The following EPB41L5 variants were observed in gnomAD, a reference collection of about 807,000 sequenced individuals.
EPB41L5 encodes band 4.1-like protein 5.
A neutral mutation model predicts 106.6 loss-of-function variants in EPB41L5; 55 were observed. The ratio of observed to expected loss-of-function variants is 0.52; its 90% CI spans 0.42 to 0.65. EPB41L5 has a LOEUF of 0.65. Among genes scored for constraint, EPB41L5 ranks in the 30% least tolerant of loss-of-function variants. The pLI, the probability that EPB41L5 is intolerant of heterozygous loss-of-function variation, is 0.00. For missense variants in EPB41L5, 871 were observed against 882.1 expected (o/e 0.99, Z 0.16); for synonymous variants, 297 against 306.7 (o/e 0.97, Z 0.33).
chr2:120,084,534 C>T (rs920706846), intron 10 of EPB41L5, among the ~76,000 whole-genome samples: 11 of 152,134 alleles, frequency 7.2e-5, no homozygotes, highest in African/African-American at 2.7e-4. Flanking sequence ...GTAACCCGAC[C>T]TTTCTCTCTG....
At chr2:120,140,367 A>ATGAT (rs1686118194) in intron 18 of EPB41L5, among the ~76,000 whole-genome samples, 1 of 152,048 alleles carries the variant, frequency 6.6e-6, no homozygotes, top group Non-Finnish European at 1.5e-5. Context: ...CCCTGATGTG[A>ATGAT]TGATTACACA....
At chr2:120,173,057 G>A (rs760350451) in intron 24 of EPB41L5, among the ~76,000 whole-genome samples, 5 of 151,958 alleles carry the variant, frequency 3.3e-5, no homozygotes, top group African/African-American at 4.8e-5. Flanking sequence ...CTGAGACTTC[G>A]TTTCTAAAAA....
chr2:120,042,995 A>ATGTGTG (rs60253351), intron 3 of EPB41L5, among the ~76,000 whole-genome samples: 1,030 of 70,016 alleles, frequency 0.015, 20 homozygotes, highest in African/African-American at 0.036. Flanking sequence ...TTTTCTGGAA[A>ATGTGTG]TGTGTGTGTG....
intron 2 of EPB41L5, among the ~76,000 whole-genome samples, chr2:120,025,427 T>C (rs1678237221): frequency 1.3e-5 from 2 of 152,206 alleles, no homozygotes; most frequent in South Asian, 4.1e-4. Context: ...TCCCTTTATT[T>C]TGAGCCTATG....
intron 16 of EPB41L5, among the ~76,000 whole-genome samples, chr2:120,101,869 T>C (rs1684163039): frequency 6.6e-6 from 1 of 152,254 alleles, no homozygotes; most frequent in African/African-American, 2.4e-5. Context: ...TTCTCCTTTT[T>C]ATTTTCTTTC....
chr2:120,150,922 AT>A (rs1255732562), intron 20 of EPB41L5, among the ~76,000 whole-genome samples: 7 of 152,188 alleles, frequency 4.6e-5, no homozygotes, highest in African/African-American at 1.7e-4. Context: ...TTAGTGTTTT[AT>A]ATAAGAAACC....
chr2:120,017,563 A>G (rs769364338), intron 1 of EPB41L5, among the ~76,000 whole-genome samples: 3 of 152,196 alleles, frequency 2.0e-5, no homozygotes, highest in East Asian at 1.9e-4. Flanking sequence ...TTAGTGTGCT[A>G]TGTTTTAAAA....
At chr2:120,030,533 A>G (rs1453075527) in intron 2 of EPB41L5, among the ~76,000 whole-genome samples, 1 of 152,024 alleles carries the variant, frequency 6.6e-6, no homozygotes, top group Non-Finnish European at 1.5e-5. Context: ...CCCTCTTCCC[A>G]AGCCCCTACC....
chr2:120,127,664 G>A (rs1685517824), intron 16 of EPB41L5, 24 bp from the exon 17 acceptor site: 1 of 1,547,752 alleles, frequency 6.5e-7, no homozygotes, highest in Admixed American at 1.8e-5. Flanking sequence ...CTTGGTCTAA[G>A]TAAATTTTCT....
intron 20 of EPB41L5, among the ~76,000 whole-genome samples, chr2:120,147,921 A>C (rs573626351): frequency 6.6e-6 from 1 of 152,174 alleles, no homozygotes; most frequent in African/African-American, 2.4e-5. Context: ...CTAGGTTCTT[A>C]TATAAACATG....
intron 16 of EPB41L5, chr2:120,105,056 C>T (rs1684368895): frequency 1.0e-6 from 1 of 982,566 alleles, no homozygotes. Flanking sequence ...CCCAGGTTTG[C>T]AACAGTCTCA....
chr2:120,112,122 A>AT, intron 16 of EPB41L5, among the ~76,000 whole-genome samples: 1 of 151,314 alleles, frequency 6.6e-6, no homozygotes, highest in East Asian at 1.9e-4. Flanking sequence ...ACCCTGCTTT[A>AT]TTTTTTCTCA....
chr2:120,035,300 G>C (rs1678976612), intron 2 of EPB41L5, among the ~76,000 whole-genome samples: 1 of 152,064 alleles, frequency 6.6e-6, no homozygotes, highest in African/African-American at 2.4e-5. Context: ...GTCTTGCTAT[G>C]TTATCCAGGC....
intron 16 of EPB41L5, among the ~76,000 whole-genome samples, chr2:120,109,623 T>A (rs979101265): frequency 2.6e-5 from 4 of 152,170 alleles, no homozygotes; most frequent in Non-Finnish European, 5.9e-5. Context: ...ATTTGAGCAA[T>A]CCTCCGTTTT....
chr2:120,019,383 A>G, intron 2 of EPB41L5, 119 bp downstream of exon 2: 2 of 852,408 alleles, frequency 2.3e-6, no homozygotes, highest in Non-Finnish European at 3.5e-6. Context: ...ATGGGTTAGT[A>G]TAGATCAGGC....
Position 120,131,705 on chromosome 2 carries a change from TA to T in EPB41L5, c.1592del (p.Asn531ThrfsTer7). The T allele has an allele frequency of 6.2e-7, 1 of 1,613,010 alleles. No homozygotes were observed. Among genetic ancestry groups the T allele is most frequent in the Non-Finnish European group, 8.5e-7 (1 of 1,179,068 alleles). On this transcript the variant is annotated frameshift_variant, in exon 18 of 25. Coordinates refer to ENST00000263713, the MANE Select transcript of EPB41L5 (RefSeq NM_020909.4). LOFTEE classifies it high-confidence loss of function. Reference sequence around the variant, plus strand: ...CCTCGATCCAACATCGATGTTAACATAAACAGCCAGGTATTCAGATTTCCCC... The same window carrying T: ...CCTCGATCCAACATCGATGTTAACATAACAGCCAGGTATTCAGATTTCCCC... The part of the protein sequence containing the change: ...LSPRSNIDVN[I>X]NSQEEVVKLT...
intron 16 of EPB41L5, 103 bp downstream of exon 16, chr2:120,100,917 TATTC>T (rs1321854789): frequency 2.7e-6 from 2 of 738,710 alleles, no homozygotes; most frequent in East Asian, 5.5e-5. Context: ...GAAAGCAAAT[TATTC>T]ATATTTGTGA....
chr2:120,061,119 C>T (rs930895278), intron 3 of EPB41L5, among the ~76,000 whole-genome samples: 26 of 139,520 alleles, frequency 1.9e-4, no homozygotes, highest in Non-Finnish European at 3.5e-4. Flanking sequence ...CAGCTTACTA[C>T]AGCCTCTGCC....
intron 3 of EPB41L5, among the ~76,000 whole-genome samples, chr2:120,063,835 A>T (rs1218016517): frequency 6.6e-6 from 1 of 151,886 alleles, no homozygotes; most frequent in East Asian, 1.9e-4. Flanking sequence ...CCAGCTACTC[A>T]GGAGTCTGAG....
Sources: gnomAD v4.1 joint callset for allele counts (sites outside exome capture counted in the v4.1 genomes callset) on GRCh38, gnomAD v4.1.1 for gene constraint, MANE v1.5 for transcripts, NCBI Gene and HGNC (gene_info 2026-07-23, HGNC 2026-07-21) for gene names.